The following ANKS1B variants were observed in gnomAD, a reference collection of about 807,000 sequenced individuals.
ANKS1B encodes the protein ankyrin repeat and sterile alpha motif domain containing 1B, also known as ankyrin repeat and sterile alpha motif domain-containing protein 1B.
A neutral mutation model predicts 148.3 loss-of-function variants in ANKS1B; 36 were observed. The ratio of observed to expected loss-of-function variants is 0.24; its 90% CI spans 0.19 to 0.32. The LOEUF (loss-of-function observed/expected upper bound fraction) is 0.32, where lower values mean the gene tolerates loss of function less well. ANKS1B is among the 10% of genes least tolerant of loss of function. The pLI, the probability that ANKS1B is intolerant of heterozygous loss-of-function variation, is 1.00. For missense variants in ANKS1B, 1,157 were observed against 1,542.6 expected (o/e 0.75, Z 4.19); for synonymous variants, 542 against 560.8 (o/e 0.97, Z 0.47).
At chr12:99,257,465 T>C (rs2153978904) in intron 12 of ANKS1B, among the ~76,000 whole-genome samples, 1 of 152,326 alleles carries the variant, frequency 6.6e-6, no homozygotes, top group East Asian at 1.9e-4. Flanking sequence ...AAAAGTAATC[T>C]CAAGTATTAA....
intron 9 of ANKS1B, among the ~76,000 whole-genome samples, chr12:98,737,192 CATG>C (rs1236857551): frequency 1.3e-5 from 2 of 152,210 alleles, no homozygotes; most frequent in South Asian, 4.1e-4. Flanking sequence ...TGCCCTTCTG[CATG>C]ATCTTTCCAG....
At chr12:99,754,426 C>T (rs1030763463) in intron 8 of ANKS1B, among the ~76,000 whole-genome samples, 3 of 152,110 alleles carry the variant, frequency 2.0e-5, no homozygotes, top group Non-Finnish European at 4.4e-5. Flanking sequence ...TAATACTCCA[C>T]TGACAATATG....
chr12:99,632,757 A>T lies in ANKS1B; in HGVS notation c.1272+22310T>A, dbSNP rs1229597220. 1.6e-3 allele frequency among the ~76,000 whole-genome samples: 120 copies of T among 76,332 alleles called. 3 individuals carry two copies. Among genetic ancestry groups the T allele is most frequent in the African/African-American group, 6.4e-3 (115 of 17,890 alleles). 50.1% of individuals were successfully genotyped at this position (76,332 alleles called of 152,430 possible). ...TATATATATATATATATATATATATATATATATATATTTTAATTATACTTT... is the reference window on the plus strand; with the variant it reads ...TATATATATATATATATATATATATTTATATATATATTTTAATTATACTTT... On this transcript the variant is annotated intron_variant, in intron 9 of 26. Coordinates refer to ENST00000683438, the MANE Select transcript of ANKS1B (RefSeq NM_001352186.2).
At chr12:99,203,740 T>C (rs2082331683) in intron 14 of ANKS1B, among the ~76,000 whole-genome samples, 3 of 152,192 alleles carry the variant, frequency 2.0e-5, no homozygotes, top group African/African-American at 4.8e-5. Flanking sequence ...CGTGAGCCAC[T>C]GCACCCGGCC....
chr12:98,869,361 G>T (rs1438975142), intron 17 of ANKS1B, among the ~76,000 whole-genome samples: 1 of 152,114 alleles, frequency 6.6e-6, no homozygotes, highest in Non-Finnish European at 1.5e-5. Context: ...CTGGGCACGA[G>T]TCAAAACACT....
At chr12:99,171,264 G>A (rs980108472) in intron 14 of ANKS1B, among the ~76,000 whole-genome samples, 2 of 152,144 alleles carry the variant, frequency 1.3e-5, no homozygotes, top group Non-Finnish European at 2.9e-5. Context: ...TCTTCCTTAT[G>A]GAGAAAAACT....
At chr12:99,338,449 G>C (rs1472061784) in intron 12 of ANKS1B, among the ~76,000 whole-genome samples, 1 of 152,126 alleles carries the variant, frequency 6.6e-6, no homozygotes, top group Non-Finnish European at 1.5e-5. Context: ...CCCAGGGAAG[G>C]TCCAGAAATG....
chr12:99,585,609 T>C (rs942386607), intron 9 of ANKS1B, among the ~76,000 whole-genome samples: 7 of 152,208 alleles, frequency 4.6e-5, no homozygotes, highest in Admixed American at 3.9e-4. Flanking sequence ...GCAGAGGTTC[T>C]CTTTGAGAGC....
intron 9 of ANKS1B, among the ~76,000 whole-genome samples, chr12:99,575,159 T>C (rs1047623560): frequency 6.6e-6 from 1 of 152,092 alleles, no homozygotes; most frequent in Non-Finnish European, 1.5e-5. Context: ...GCATGTCAAA[T>C]GCAAGGGAAC....
Position 98,748,179 on chromosome 12 carries a change from A to G in ANKS1B, c.3748-2330T>C, listed in dbSNP as rs551698349. On this transcript the variant is annotated intron_variant, in intron 26 of 26. Transcript: ENST00000683438. ...GATATGATCATTACATATTGTATAC[A>G]TGTGTCAAAATATCACATAGCAATA... Among the ~76,000 whole-genome samples the G allele has an allele frequency of 2.0e-5, 3 of 152,316 alleles. No individual in the cohort carries two copies. In the South Asian group the frequency reaches 6.2e-4, roughly 32 times the overall value.
intron 17 of ANKS1B, among the ~76,000 whole-genome samples, chr12:98,860,405 C>A (rs908270933): frequency 1.3e-5 from 2 of 152,180 alleles, no homozygotes; most frequent in Non-Finnish European, 2.9e-5. Context: ...CACAAGCAGG[C>A]CTTGTGCTTA....
chr12:99,902,865 C>G (rs956363167), intron 1 of ANKS1B, among the ~76,000 whole-genome samples: 1 of 151,484 alleles, frequency 6.6e-6, no homozygotes, highest in African/African-American at 2.4e-5. Flanking sequence ...ATTCTCCTGT[C>G]TCAGCCTCCC....
intron 10 of ANKS1B, among the ~76,000 whole-genome samples, chr12:99,495,192 A>G (rs2152980007): frequency 6.6e-6 from 1 of 152,302 alleles, no homozygotes. Flanking sequence ...GTTGCATAGG[A>G]TAGCATACAC....
At chr12:99,488,076 A>G (rs906557004) in intron 10 of ANKS1B, among the ~76,000 whole-genome samples, 2 of 152,294 alleles carry the variant, frequency 1.3e-5, no homozygotes, top group South Asian at 4.1e-4. Flanking sequence ...TTCTTTTAAT[A>G]TTATAAAGTA....
chr12:99,874,479 A>G (rs1188149146), intron 1 of ANKS1B, among the ~76,000 whole-genome samples: 1 of 152,182 alleles, frequency 6.6e-6, no homozygotes, highest in Admixed American at 6.6e-5. Flanking sequence ...ACTGCTGTCA[A>G]GATATTTTGG....
chr12:98,853,541 G>A (rs2099544179), intron 17 of ANKS1B, among the ~76,000 whole-genome samples: 1 of 152,160 alleles, frequency 6.6e-6, no homozygotes, highest in South Asian at 2.1e-4. Context: ...AACTTTCGGT[G>A]TTTGCATTCT....
At chr12:98,930,787 G>C (rs1268664397) in intron 17 of ANKS1B, among the ~76,000 whole-genome samples, 3 of 152,072 alleles carry the variant, frequency 2.0e-5, no homozygotes, top group Non-Finnish European at 4.4e-5. Flanking sequence ...TTTGGGGATG[G>C]TGAGAATGTT....
At chr12:99,856,052 T>C (rs1013731604) in intron 1 of ANKS1B, among the ~76,000 whole-genome samples, 2 of 150,880 alleles carry the variant, frequency 1.3e-5, no homozygotes, top group East Asian at 3.9e-4. Flanking sequence ...AGAAAGGAAA[T>C]AACCAAGGTC....
At chr12:99,537,318 G>A (rs2097080352) in intron 9 of ANKS1B, among the ~76,000 whole-genome samples, 1 of 151,956 alleles carries the variant, frequency 6.6e-6, no homozygotes, top group South Asian at 2.1e-4. Flanking sequence ...TCTATTTTTA[G>A]TTTTTTGAGG....
Sources: allele counts gnomAD v4.1 joint callset (sites outside exome capture counted in the v4.1 genomes callset), GRCh38; gene constraint gnomAD v4.1.1; transcripts MANE v1.5; gene names NCBI Gene and HGNC (gene_info 2026-07-23, HGNC 2026-07-21).